Variants in PRKCZ observed in about 807,000 individuals in gnomAD.
PRKCZ encodes the protein protein kinase C zeta type.
In PRKCZ, 33 loss-of-function variants were observed where a neutral mutation model predicts 79.5. The ratio of observed to expected loss-of-function variants is 0.41; its 90% CI spans 0.31 to 0.55. The LOEUF is 0.55. Among genes scored for constraint, PRKCZ ranks in the 20% least tolerant of loss-of-function variants. The pLI, the probability that PRKCZ is intolerant of heterozygous loss-of-function variation, is 0.19. For missense variants in PRKCZ, 578 were observed against 813.5 expected (o/e 0.71, Z 3.52); for synonymous variants, 342 against 320.9 (o/e 1.07, Z -0.70).
chr1:2,168,130 A>G lies in PRKCZ; in HGVS notation c.975-1388A>G, dbSNP rs1012313684. On this transcript the variant is annotated intron_variant, in intron 10 of 17. Coordinates refer to ENST00000378567, the MANE Select transcript of PRKCZ (RefSeq NM_002744.6). The surrounding 1 kb of genome is among the most constrained non-coding windows in gnomAD (Gnocchi z 4.7). The stretch of plus-strand genomic sequence containing the variant: ...TATTTTGTTTATACCGGGGATTGGC[A>G]AACTTTTTCTTGAAGGGCCCAAGAG... Among the ~76,000 whole-genome samples, 1 of 152,316 alleles carries G rather than the reference A, an allele frequency of 6.6e-6. No individual in the cohort carries two copies. Among genetic ancestry groups the G allele is most frequent in the Admixed American group, 6.5e-5 (1 of 15,302 alleles).
intron 6 of PRKCZ, chr1:2,145,534 A>G (rs1357215274): frequency 6.5e-6 from 1 of 154,130 alleles, no homozygotes; most frequent in Non-Finnish European, 1.4e-5. Flanking sequence ...TTCTTTATCT[A>G]ATTCAGTAAA....
chr1:2,052,076 C>T (rs1010288247), intron 1 of PRKCZ, among the ~76,000 whole-genome samples: 3 of 152,172 alleles, frequency 2.0e-5, no homozygotes, highest in Admixed American at 1.3e-4. Context: ...GTCCAGGGAC[C>T]TGGGCTTCCT....
chr1:2,168,884 G>T lies in PRKCZ; in HGVS notation c.975-634G>T, dbSNP rs928547869. ...TTGAGTCTCATGAAATGTAGGAAAA[G>T]ATCTTATTAGGAAGAGAAACCATGT... On this transcript the variant is annotated intron_variant, in intron 10 of 17. Coordinates refer to ENST00000378567, the MANE Select transcript of PRKCZ (RefSeq NM_002744.6). The surrounding 1 kb of genome is among the most constrained non-coding windows in gnomAD (Gnocchi z 4.7). 3.4e-5 allele frequency: 8 copies of T among 237,976 alleles called. No homozygotes were observed. The highest frequency in any genetic ancestry group is 7.0e-5 in the Non-Finnish European group (8 of 113,794). The allele number at this position is 237,976 out of a possible 1,614,324, so 14.7% of individuals were successfully genotyped here.
rs1292515647 is a variant in PRKCZ at position 2,177,142 on chromosome 1, C to T, written c.1575+1829C>T. Among the ~76,000 whole-genome samples, 2 of 152,106 alleles carry T rather than the reference C, an allele frequency of 1.3e-5. No homozygotes were observed. The highest frequency in any genetic ancestry group is 2.9e-5 in the Non-Finnish European group (2 of 68,010). On this transcript the variant is annotated intron_variant, in intron 16 of 17. Transcript: ENST00000378567. The surrounding 1 kb of genome is among the most constrained non-coding windows in gnomAD (Gnocchi z 6.4). The stretch of plus-strand genomic sequence containing the variant: ...CCTGGCCTAGTGGGGTTACTGGTGG[C>T]GTTCCCCTATCTCAGGCCACACCTG...
chr1:2,144,389 G>A, intron 6 of PRKCZ, 48 bp downstream of exon 6: 1 of 1,542,218 alleles, frequency 6.5e-7, no homozygotes, highest in African/African-American at 1.4e-5. Flanking sequence ...CGGGGTCGGG[G>A]CGTGGCAGCC....
intron 4 of PRKCZ, chr1:2,071,427 C>T (rs1661579126): frequency 2.3e-5 from 8 of 353,584 alleles, no homozygotes; most frequent in South Asian, 1.4e-4. Context: ...CTGCTGGTGT[C>T]CTCCAGGCCT....
At chr1:2,074,400 GT>G in intron 4 of PRKCZ, 2 of 1,344,568 alleles carry the variant, frequency 1.5e-6, no homozygotes, top group Non-Finnish European at 2.1e-6. Context: ...GCTGTTGGGA[GT>G]TTCACTGTGG....
In PRKCZ at chr1:2,178,652, C is replaced by T. The variant is rs960171732; in HGVS notation, c.1575+3339C>T. On this transcript the variant is annotated intron_variant, in intron 16 of 17. Transcript: ENST00000378567. The surrounding 1 kb of genome is among the most constrained non-coding windows in gnomAD (Gnocchi z 4.3). ...TCAGGGGGGCCACCTGTTCCTGCAG[C>T]GGCTGCTTTCTGGTCCCTTTGGGGG... 6.6e-6 allele frequency among the ~76,000 whole-genome samples: 1 copy of T among 152,154 alleles called. No homozygotes were observed. The highest frequency in any genetic ancestry group is 2.4e-5 in the African/African-American group (1 of 41,446).
chr1:2,054,556 G>C (rs1659977531), intron 1 of PRKCZ, among the ~76,000 whole-genome samples: 1 of 151,722 alleles, frequency 6.6e-6, no homozygotes, highest in South Asian at 2.1e-4. Flanking sequence ...CACTGACTCT[G>C]TGTGACTCGG....
At chr1:2,060,324 C>A (rs1363917961) in intron 4 of PRKCZ, among the ~76,000 whole-genome samples, 4 of 152,238 alleles carry the variant, frequency 2.6e-5, no homozygotes, top group East Asian at 3.9e-4. Flanking sequence ...AGGGCACACA[C>A]CTCGCTGGCC....
chr1:2,056,890 G>T (rs1288023648), intron 3 of PRKCZ, among the ~76,000 whole-genome samples: 1 of 151,836 alleles, frequency 6.6e-6, no homozygotes, highest in African/African-American at 2.4e-5. Flanking sequence ...CACCACGCCC[G>T]GCTAATTTTT....
At chr1:2,055,804 G>C in intron 2 of PRKCZ, 1 of 490,242 alleles carries the variant, frequency 2.0e-6, no homozygotes, top group Non-Finnish European at 3.5e-6. Context: ...CCTGCAGGGG[G>C]TCTCCCTGCC....
At chr1:2,176,223 C>T (rs1000798469) in intron 16 of PRKCZ, among the ~76,000 whole-genome samples, 1 of 152,124 alleles carries the variant, frequency 6.6e-6, no homozygotes, top group Non-Finnish European at 1.5e-5. Context: ...GCAGCCCCAG[C>T]GGGCCACGTG....
At chr1:2,131,364 G>T (rs1674922368) in intron 4 of PRKCZ, among the ~76,000 whole-genome samples, 1 of 152,190 alleles carries the variant, frequency 6.6e-6, no homozygotes, top group African/African-American at 2.4e-5. Flanking sequence ...CAGCACTTTG[G>T]GAGGCCGAAG....
intron 4 of PRKCZ, among the ~76,000 whole-genome samples, chr1:2,118,100 G>A (rs559064821): frequency 2.1e-5 from 3 of 145,966 alleles, no homozygotes; most frequent in African/African-American, 7.5e-5. Context: ...TGGTTCAAGC[G>A]ATTCTCCTGC....
At chr1:2,157,733 AATAAAG>A (rs1200257989) in intron 10 of PRKCZ, among the ~76,000 whole-genome samples, 2 of 146,512 alleles carry the variant, frequency 1.4e-5, no homozygotes, top group African/African-American at 2.5e-5. Context: ...TTTTTTTTTA[AATAAAG>A]ATAGGGTCTT....
rs1339836321 is a variant in PRKCZ, at chr1:2,075,446, G to A, written c.334+15855G>A. On this transcript the variant is annotated intron_variant, in intron 4 of 17. Coordinates refer to ENST00000378567, the MANE Select transcript of PRKCZ (RefSeq NM_002744.6). The surrounding 1 kb of genome is among the most constrained non-coding windows in gnomAD (Gnocchi z 4.8). Reference sequence around the variant, plus strand: ...GGCTGCCCCCCAGAAGCTGTTTCGTGTTGATGCTGCCGGGGCCGGCTGTGG... The same window carrying A: ...GGCTGCCCCCCAGAAGCTGTTTCGTATTGATGCTGCCGGGGCCGGCTGTGG... 2 of 152,246 alleles carry A rather than the reference G, an allele frequency of 1.3e-5. No individual in the cohort carries two copies. The highest frequency in any genetic ancestry group is 2.9e-5 in the Non-Finnish European group (2 of 68,078). The allele number at this position is 152,246 out of a possible 1,614,324, so 9.4% of individuals were successfully genotyped here.
At chr1:2,071,470 G>A (rs1043376761) in intron 4 of PRKCZ, 6 of 217,058 alleles carry the variant, frequency 2.8e-5, no homozygotes, top group Non-Finnish European at 4.9e-5. Context: ...GCCTATCAAC[G>A]GATGCCTGTG....
chr1:2,149,875 C>T lies in PRKCZ; in HGVS notation c.688-915C>T, dbSNP rs1215347300. Among the ~76,000 whole-genome samples the T allele has an allele frequency of 6.7e-6, 1 of 148,984 alleles. No homozygotes were observed. The highest frequency in any genetic ancestry group is 1.5e-5 in the Non-Finnish European group (1 of 67,394). On this transcript the variant is annotated intron_variant, in intron 8 of 17. Transcript: ENST00000378567. The surrounding 1 kb of genome is among the most constrained non-coding windows in gnomAD (Gnocchi z 4.1). ...GAGTCTGTCTCAAAAAAAGCAGAATCCGGCTGGGCGCGGTGGCTCACGCCT... is the reference window on the plus strand; with the variant it reads ...GAGTCTGTCTCAAAAAAAGCAGAATTCGGCTGGGCGCGGTGGCTCACGCCT...
Sources: gnomAD v4.1 joint callset for allele counts (sites outside exome capture counted in the v4.1 genomes callset) on GRCh38, gnomAD v4.1.1 for gene constraint, Gnocchi (gnomAD v3.1) non-coding constraint, MANE v1.5 for transcripts, NCBI Gene and HGNC (gene_info 2026-07-23, HGNC 2026-07-21) for gene names.